Variants in FER observed in about 807,000 individuals in gnomAD.
The protein encoded by FER is tyrosine-protein kinase Fer.
In FER, 63 loss-of-function variants were observed where a neutral mutation model predicts 111.0. The observed-to-expected ratio is 0.57, with a 90% CI of 0.46 to 0.70. The LOEUF is 0.70. Ranked by LOEUF, FER falls within the 30% of genes least tolerant of loss-of-function variation. FER has a pLI of 0.00. For synonymous variants in FER, 327 were observed against 313.9 expected (o/e 1.04, Z -0.44); for missense variants, 914 against 954.0 (o/e 0.96, Z 0.55).
chr5:109,101,786 A>G (rs577687621), intron 17 of FER, among the ~76,000 whole-genome samples: 2 of 152,284 alleles, frequency 1.3e-5, no homozygotes, highest in East Asian at 3.9e-4. Flanking sequence ...TTAGTGGTCA[A>G]CACTGTGTTA....
chr5:109,076,638 T>A (rs10064014), intron 16 of FER, among the ~76,000 whole-genome samples: 38,111 of 151,814 alleles, frequency 0.25, 4,936 homozygotes, highest in African/African-American at 0.31. Flanking sequence ...GGATTTCGCT[T>A]TGTTGCCCAA....
intron 5 of FER, among the ~76,000 whole-genome samples, chr5:108,851,934 C>G (rs1033309780): frequency 6.6e-6 from 1 of 152,202 alleles, no homozygotes; most frequent in African/African-American, 2.4e-5. Context: ...AACAGGATAG[C>G]TACTCCACAT....
intron 16 of FER, among the ~76,000 whole-genome samples, chr5:109,053,740 G>T (rs925199782): frequency 6.9e-6 from 1 of 144,272 alleles, no homozygotes; most frequent in African/African-American, 2.6e-5. Flanking sequence ...GCCCAGGCTG[G>T]AGTGCAGTGG....
chr5:109,138,715 T>C (rs1047740963), intron 17 of FER, among the ~76,000 whole-genome samples: 2 of 152,178 alleles, frequency 1.3e-5, no homozygotes, highest in African/African-American at 4.8e-5. Flanking sequence ...GTTTCACAGA[T>C]TGAGGGCTGT....
chr5:109,177,758 G>A (rs991988188), intron 17 of FER: 2 of 152,164 alleles, frequency 1.3e-5, no homozygotes, highest in Non-Finnish European at 2.9e-5. Flanking sequence ...GACATAAATG[G>A]AACATTTCCA....
chr5:109,124,216 G>T (rs1291649602), intron 17 of FER, among the ~76,000 whole-genome samples: 2 of 152,212 alleles, frequency 1.3e-5, no homozygotes, highest in African/African-American at 4.8e-5. Flanking sequence ...AACAGAGCAA[G>T]ACCCTGTCTC....
At chr5:109,107,828 C>G (rs1228514295) in intron 17 of FER, among the ~76,000 whole-genome samples, 1 of 152,148 alleles carries the variant, frequency 6.6e-6, no homozygotes, top group Non-Finnish European at 1.5e-5. Flanking sequence ...TTCCTCCACT[C>G]CTCTTGCAAA....
intron 5 of FER, among the ~76,000 whole-genome samples, chr5:108,859,725 T>G (rs1223568989): frequency 6.6e-6 from 1 of 152,076 alleles, no homozygotes; most frequent in Non-Finnish European, 1.5e-5. Context: ...AATCACTATA[T>G]GCAAGGAAAT....
chr5:108,963,740 A>AAG (rs1344774331), intron 13 of FER, among the ~76,000 whole-genome samples: 1 of 152,178 alleles, frequency 6.6e-6, no homozygotes, highest in Admixed American at 6.6e-5. Flanking sequence ...TCTGTGTCTG[A>AAG]AACTACTGAC....
At chr5:109,151,373 A>G (rs1754833564) in intron 17 of FER, among the ~76,000 whole-genome samples, 1 of 152,130 alleles carries the variant, frequency 6.6e-6, no homozygotes, top group Non-Finnish European at 1.5e-5. Context: ...TAAAACAAGA[A>G]ACTCAAGAAA....
chr5:108,911,971 T>C (rs1278780044), intron 10 of FER, among the ~76,000 whole-genome samples: 1 of 152,142 alleles, frequency 6.6e-6, no homozygotes, highest in Non-Finnish European at 1.5e-5. Flanking sequence ...CGAGGGCAGT[T>C]TTCCCCATAC....
At chr5:108,927,386 G>A (rs1166521982) in intron 10 of FER, among the ~76,000 whole-genome samples, 2 of 150,436 alleles carry the variant, frequency 1.3e-5, no homozygotes, top group Non-Finnish European at 3.0e-5. Context: ...TCAGCCTCCC[G>A]AGTAGCTGGG....
chr5:108,913,893 A>G (rs993881646), intron 10 of FER, among the ~76,000 whole-genome samples: 1 of 152,192 alleles, frequency 6.6e-6, no homozygotes, highest in Non-Finnish European at 1.5e-5. Context: ...GTGAAAAGAC[A>G]CCAGACATTA....
chr5:108,764,718 G>T (rs958932894), intron 1 of FER, among the ~76,000 whole-genome samples: 1 of 152,128 alleles, frequency 6.6e-6, no homozygotes, highest in African/African-American at 2.4e-5. Flanking sequence ...ATTTTAAATG[G>T]TTGTAAAATT....
chr5:108,839,112 AAC>A (rs1261380804), intron 5 of FER, among the ~76,000 whole-genome samples: 1 of 152,200 alleles, frequency 6.6e-6, no homozygotes, highest in Non-Finnish European at 1.5e-5. Flanking sequence ...ATCACTACTA[AAC>A]ACATACATAT....
At chr5:108,809,456 C>T (rs1007438988) in intron 3 of FER, among the ~76,000 whole-genome samples, 9 of 152,176 alleles carry the variant, frequency 5.9e-5, no homozygotes, top group African/African-American at 2.2e-4. Context: ...TGATGTATTC[C>T]TTCATTGCCT....
chr5:108,887,247 A>G (rs959114537), intron 9 of FER, among the ~76,000 whole-genome samples: 10 of 151,700 alleles, frequency 6.6e-5, no homozygotes, highest in African/African-American at 1.9e-4. Context: ...AAATAACAGT[A>G]TTTGTTGTAT....
At chr5:108,844,093 C>CATATATGCGTGTGAACAT (rs35948091) in intron 5 of FER, among the ~76,000 whole-genome samples, 2 of 96,898 alleles carry the variant, frequency 2.1e-5, no homozygotes, top group South Asian at 3.1e-4. Flanking sequence ...TGCGTGTGAA[C>CATATATGCGTGTGAACAT]ATATGTGTGT....
intron 13 of FER, among the ~76,000 whole-genome samples, chr5:108,973,933 T>C (rs547081186): frequency 3.7e-4 from 57 of 152,326 alleles, no homozygotes; most frequent in Non-Finnish European, 7.6e-4. Context: ...TAAAGTTTTC[T>C]GAGTCTTCTC....
Sources: gnomAD v4.1 joint callset for allele counts (sites outside exome capture counted in the v4.1 genomes callset) on GRCh38, gnomAD v4.1.1 for gene constraint, MANE v1.5 for transcripts, NCBI Gene and HGNC (gene_info 2026-07-23, HGNC 2026-07-21) for gene names.